Variants in CNTN3 observed in about 807,000 individuals in gnomAD.
CNTN3 encodes the protein contactin 3.
A neutral mutation model predicts 119.1 loss-of-function variants in CNTN3; 60 were observed. The observed-to-expected ratio is 0.50, with a 90% CI of 0.41 to 0.62. The LOEUF (loss-of-function observed/expected upper bound fraction) is 0.62. Among genes scored for constraint, CNTN3 ranks in the 20% least tolerant of loss-of-function variants. The pLI, the probability that CNTN3 is intolerant of heterozygous loss-of-function variation, is 0.00. For synonymous variants in CNTN3, 450 were observed against 438.7 expected, an observed-to-expected ratio of 1.03 and a Z score of -0.32; for missense variants, 1,101 against 1,242.4, an observed-to-expected ratio of 0.89 and a Z score of 1.71.
chr3:74,312,455 CAAAAAAAAAAAAAA>C (rs745514119), intron 13 of CNTN3, among the ~76,000 whole-genome samples: 2 of 27,808 alleles, frequency 7.2e-5, no homozygotes, highest in African/African-American at 2.6e-4. Context: ...GACTCCATCT[CAAAAAAAAAAAAAA>C]AAAAAAAAAA....
intron 13 of CNTN3, among the ~76,000 whole-genome samples, chr3:74,308,812 C>T (rs1421865370): frequency 2.0e-5 from 3 of 152,064 alleles, no homozygotes; most frequent in African/African-American, 7.2e-5. Flanking sequence ...TTTTCTTAAA[C>T]TGATTAACTT....
rs147270951 is a variant in CNTN3, at chr3:74,489,401, C to T, written c.183-2770G>A. ...CGATTAGAAAGCCCTTCCCTCCCTC[C>T]TCCCCTTCCCTTCCTCCCTCCCTCC... On this transcript the variant is annotated intron_variant, in intron 3 of 22. Transcript: ENST00000263665. Among the ~76,000 whole-genome samples the T allele has an allele frequency of 3.6e-3, 549 of 151,600 alleles. 3 individuals are homozygous for T. Among genetic ancestry groups the T allele is most frequent in the African/African-American group, 0.013 (529 of 41,294 alleles).
intron 1 of CNTN3, among the ~76,000 whole-genome samples, chr3:74,554,059 T>C (rs1431158630): frequency 1.3e-5 from 2 of 152,206 alleles, no homozygotes; most frequent in African/African-American, 4.8e-5. Context: ...AGGTCTTACA[T>C]TTAAGTCTTT....
intron 4 of CNTN3, among the ~76,000 whole-genome samples, chr3:74,447,859 T>C (rs923764684): frequency 2.0e-5 from 3 of 152,134 alleles, no homozygotes; most frequent in African/African-American, 7.2e-5. Flanking sequence ...ACATGAACCA[T>C]TTTTAAATAA....
rs768943578 is a variant in CNTN3 at position 74,297,995 on chromosome 3, G to T, written c.2363C>A (p.Pro788Gln). The stretch of plus-strand genomic sequence containing the variant: ...GAACACTGTTGTCACTGGGCTAAAT[G>T]GTCCTTCACCTTTGTTATTATAAAC... ...VGVYNNKGEGPFSPVTTVFSA... is the reference protein window; with the variant it reads ...VGVYNNKGEGQFSPVTTVFSA... Residue 788 changes from proline to glutamine, a missense_variant, in exon 18 of 23, where the codon CCA (proline) becomes CAA (glutamine). Transcript: ENST00000263665. The T allele has an allele frequency of 1.9e-6, 3 of 1,613,810 alleles. No homozygotes were observed. The highest frequency in any genetic ancestry group is 1.7e-5 in the Admixed American group (1 of 59,998).
chr3:74,473,738 T>C (rs1164286302), intron 4 of CNTN3, among the ~76,000 whole-genome samples: 6 of 152,128 alleles, frequency 3.9e-5, no homozygotes, highest in South Asian at 2.1e-4. Flanking sequence ...TAGAAAGCAA[T>C]TTTTAGGAAA....
At chr3:74,265,687 T>A (rs1432363736) in intron 22 of CNTN3, among the ~76,000 whole-genome samples, 1 of 152,184 alleles carries the variant, frequency 6.6e-6, no homozygotes, top group Non-Finnish European at 1.5e-5. Context: ...GTTACTAATG[T>A]CTGCCATTTT....
chr3:74,554,172 G>A (rs1385355086), intron 1 of CNTN3, among the ~76,000 whole-genome samples: 1 of 152,142 alleles, frequency 6.6e-6, no homozygotes, highest in Non-Finnish European at 1.5e-5. Context: ...TATTAAATAG[G>A]GAATCTTTTC....
chr3:74,481,705 T>G lies in CNTN3; in HGVS notation c.358+4751A>C, dbSNP rs142426069. Among the ~76,000 whole-genome samples the G allele has an allele frequency of 1.2e-4, 18 of 151,652 alleles. No homozygotes were observed. In the East Asian group the frequency reaches 3.3e-3, roughly 28 times the overall value. ...ACAAGTTAAGTAATTTGAAAAGAAC[T>G]ATAAAAAATACAACAACTTTGGAAG... On this transcript the variant is annotated intron_variant, in intron 4 of 22. Coordinates refer to ENST00000263665, the MANE Select transcript of CNTN3 (RefSeq NM_020872.3).
intron 19 of CNTN3, among the ~76,000 whole-genome samples, chr3:74,292,284 G>C (rs1023239254): frequency 2.6e-5 from 4 of 152,226 alleles, no homozygotes; most frequent in Non-Finnish European, 5.9e-5. Context: ...CCAGAAACTG[G>C]CCAGGTGCAG....
chr3:74,349,443 A>G (rs966865102), intron 11 of CNTN3, among the ~76,000 whole-genome samples: 1 of 152,224 alleles, frequency 6.6e-6, no homozygotes, highest in African/African-American at 2.4e-5. Context: ...AGGGTTTTCT[A>G]GGTTGAGAAG....
intron 5 of CNTN3, among the ~76,000 whole-genome samples, chr3:74,421,798 A>C (rs1434519307): frequency 6.6e-6 from 1 of 152,120 alleles, no homozygotes. Flanking sequence ...TATACCCCGG[A>C]GTTACAGCTT....
chr3:74,363,731 A>G (rs1704127553), intron 10 of CNTN3, among the ~76,000 whole-genome samples: 1 of 152,206 alleles, frequency 6.6e-6, no homozygotes, highest in African/African-American at 2.4e-5. Context: ...ACCTGATAAT[A>G]GTGATGATAT....
rs544841373 is a variant in CNTN3 at position 74,379,015 on chromosome 3, C to T, written c.455-7616G>A. Among the ~76,000 whole-genome samples the T allele has an allele frequency of 9.2e-5, 14 of 152,274 alleles. No individual in the cohort carries two copies. The South Asian group carries it at 2.5e-3, about 27-fold the overall frequency. Reference sequence around the variant, plus strand: ...TATTTCTACTAGGTAACAGAGATAACACTTATCCAAGAGACAACAGTTTCC... The same window carrying T: ...TATTTCTACTAGGTAACAGAGATAATACTTATCCAAGAGACAACAGTTTCC... On this transcript the variant is annotated intron_variant, in intron 5 of 22. Coordinates refer to ENST00000263665, the MANE Select transcript of CNTN3 (RefSeq NM_020872.3).
chr3:74,603,567 G>T (rs905397665), intron 1 of CNTN3, among the ~76,000 whole-genome samples: 2 of 152,066 alleles, frequency 1.3e-5, no homozygotes, highest in Non-Finnish European at 2.9e-5. Flanking sequence ...AGCAAAAGCC[G>T]ACTGTTACAT....
At chr3:74,326,192 T>C (rs1009969185) in intron 13 of CNTN3, among the ~76,000 whole-genome samples, 7 of 152,126 alleles carry the variant, frequency 4.6e-5, no homozygotes, top group African/African-American at 1.7e-4. Flanking sequence ...TGTAGGTGCT[T>C]TTATGTAGGC....
intron 8 of CNTN3, among the ~76,000 whole-genome samples, chr3:74,366,994 T>A (rs1575664129): frequency 7.0e-6 from 1 of 143,214 alleles, no homozygotes. Flanking sequence ...CTTCCCATAG[T>A]AATACTCTTC....
At chr3:74,511,921 G>T (rs1221865950) in intron 2 of CNTN3, among the ~76,000 whole-genome samples, 1 of 152,010 alleles carries the variant, frequency 6.6e-6, no homozygotes, top group Non-Finnish European at 1.5e-5. Flanking sequence ...GAAAGATCAT[G>T]TCTACTAGGA....
intron 3 of CNTN3, among the ~76,000 whole-genome samples, chr3:74,489,001 A>G (rs1324370513): frequency 6.6e-6 from 1 of 152,202 alleles, no homozygotes; most frequent in Admixed American, 6.5e-5. Context: ...TTGAATTTGA[A>G]CTGGGAGCAC....
Sources: allele counts gnomAD v4.1 joint callset (sites outside exome capture counted in the v4.1 genomes callset), GRCh38; gene constraint gnomAD v4.1.1; transcripts MANE v1.5; gene names NCBI Gene and HGNC (gene_info 2026-07-23, HGNC 2026-07-21).